PCDHA11: variants seen among roughly 807,000 people sequenced by gnomAD.
PCDHA11 encodes protocadherin alpha 11, also known as protocadherin alpha-11.
A neutral mutation model predicts 70.3 loss-of-function variants in PCDHA11; 61 were observed. The observed-to-expected ratio is 0.87, with a 90% CI of 0.71 to 1.07. PCDHA11 has a LOEUF of 1.07. Among genes scored for constraint, PCDHA11 ranks in the 50% least tolerant of loss-of-function variants. PCDHA11 has a pLI of 0.00. For missense variants in PCDHA11, 1,324 were observed against 1,237.5 expected, an observed-to-expected ratio of 1.07 and a Z score of -1.05; for synonymous variants, 633 against 555.1, an observed-to-expected ratio of 1.14 and a Z score of -1.97.
chr5:140,893,656 T>C (rs950016091), intron 1 of PCDHA11, among the ~76,000 whole-genome samples: 1 of 152,222 alleles, frequency 6.6e-6, no homozygotes. Flanking sequence ...CTGATAGTTT[T>C]AAAAAATTTC....
At chr5:140,993,470 A>T (rs1348899420) in intron 3 of PCDHA11, among the ~76,000 whole-genome samples, 10 of 115,268 alleles carry the variant, frequency 8.7e-5, no homozygotes, top group East Asian at 7.9e-4. Flanking sequence ...TCTCACACAC[A>T]CACACACACA....
At chr5:140,881,361 C>A (rs990387338) in intron 1 of PCDHA11, 6 of 985,126 alleles carry the variant, frequency 6.1e-6, no homozygotes, top group Non-Finnish European at 7.2e-6. Context: ...GCGTGGCTTT[C>A]GTATGAATTG....
chr5:140,870,294 G>A lies in PCDHA11; in HGVS notation c.1191G>A (p.Val397=), dbSNP rs1554164013. 3.1e-6 allele frequency: 5 copies of A among 1,614,192 alleles called. No individual in the cohort carries two copies. The highest frequency in any genetic ancestry group is 3.4e-6 in the Non-Finnish European group (4 of 1,180,032). ...CGCCCCACGTTCCCTTCAAGCTGGTGTCCACCTTCAAGAATTACTACTCGT... is the reference window on the plus strand; with the variant it reads ...CGCCCCACGTTCCCTTCAAGCTGGTATCCACCTTCAAGAATTACTACTCGT... ...SLTPHVPFKL[V]STFKNYYSLV... is the part of the protein sequence containing the mutation. The change falls in exon 1 of 4, where the codon GTG becomes GTA. Residue 397 remains valine, a synonymous_variant. Coordinates refer to ENST00000398640, the MANE Select transcript of PCDHA11 (RefSeq NM_018902.5).
chr5:140,938,977 A>C (rs1205824371), intron 1 of PCDHA11, among the ~76,000 whole-genome samples: 1 of 152,190 alleles, frequency 6.6e-6, no homozygotes, highest in Admixed American at 6.5e-5. Flanking sequence ...CATCAAGGCT[A>C]TCCTGGCTTT....
intron 1 of PCDHA11, among the ~76,000 whole-genome samples, chr5:140,964,435 C>G (rs2095833359): frequency 6.6e-6 from 1 of 152,108 alleles, no homozygotes; most frequent in African/African-American, 2.4e-5. Context: ...AATTACCAAG[C>G]CTCTGCCACT....
chr5:140,978,037 A>G (rs1260035731), intron 1 of PCDHA11, among the ~76,000 whole-genome samples: 12 of 152,322 alleles, frequency 7.9e-5, no homozygotes, highest in African/African-American at 2.4e-4. Flanking sequence ...GATACAAGAC[A>G]GTGATGGTGA....
intron 1 of PCDHA11, among the ~76,000 whole-genome samples, chr5:140,956,852 G>T (rs931766503): frequency 3.3e-5 from 5 of 152,060 alleles, no homozygotes; most frequent in African/African-American, 1.2e-4. Context: ...TGGGTTAAAT[G>T]GTTGAATGAA....
In PCDHA11 at chr5:140,904,903, A is replaced by G. The variant is rs568713418; in HGVS notation, c.2391+33409A>G. On this transcript the variant is annotated intron_variant, in intron 1 of 3. Transcript: ENST00000398640. ...CTTTTTGATGGGATTTGTTTTTCTT[A>G]CTGATTTGTTTGACTTCCTTGTAGG... 9.4e-4 allele frequency among the ~76,000 whole-genome samples: 142 copies of G among 151,862 alleles called. 2 individuals carry two copies. The highest frequency in any genetic ancestry group is 2.9e-3 in the African/African-American group (122 of 41,438).
intron 1 of PCDHA11, chr5:140,883,659 T>A (rs2059734857): frequency 6.2e-7 from 1 of 1,612,766 alleles, no homozygotes. Flanking sequence ...ACGGTGTTCG[T>A]GAAGGAAAAC....
intron 1 of PCDHA11, among the ~76,000 whole-genome samples, chr5:140,933,949 G>A (rs184768008): frequency 6.6e-6 from 1 of 151,792 alleles, no homozygotes; most frequent in African/African-American, 2.4e-5. Flanking sequence ...CACATCTGCA[G>A]GATCTGTAGT....
intron 1 of PCDHA11, among the ~76,000 whole-genome samples, chr5:140,938,996 A>C (rs1212565184): frequency 2.6e-5 from 4 of 152,206 alleles, no homozygotes; most frequent in Non-Finnish European, 4.4e-5. Context: ...TTATATAGTA[A>C]GTTAAGAAGT....
intron 1 of PCDHA11, among the ~76,000 whole-genome samples, chr5:140,922,508 C>A (rs2080871857): frequency 6.6e-6 from 1 of 152,090 alleles, no homozygotes; most frequent in African/African-American, 2.4e-5. Flanking sequence ...GCAGATGCAC[C>A]ATTATTTCAA....
chr5:141,009,702 C>T lies in PCDHA11; in HGVS notation c.2615C>T (p.Pro872Leu). 1 of 1,614,056 alleles carries T rather than the reference C, an allele frequency of 6.2e-7. No individual in the cohort carries two copies. The highest frequency in any genetic ancestry group is 8.5e-7 in the Non-Finnish European group (1 of 1,180,028). The change falls in exon 4 of 4, where the codon CCA becomes CTA. Residue 872 changes from proline to leucine, a missense_variant. Transcript: ENST00000398640. ...AACAGCTGGACCTTTAAATACGGAC[C>T]AGGCAACCCCAAACAATCCGGTCCC... is the stretch of plus-strand genomic sequence containing the variant. The part of the protein sequence containing the change: ...NSNSWTFKYG[P>L]GNPKQSGPGE...
chr5:140,926,756 G>T, intron 1 of PCDHA11: 1 of 1,289,704 alleles, frequency 7.8e-7, no homozygotes, highest in South Asian at 2.2e-5. Context: ...GGCGGTCGCT[G>T]AGTATCCAGC....
In PCDHA11 at chr5:141,011,894, T is replaced by G. The variant is rs1303053966; in HGVS notation, c.*1957T>G. 6.5e-6 allele frequency: 1 copy of G among 153,306 alleles called. No homozygotes were observed. The highest frequency in any genetic ancestry group is 1.5e-5 in the Non-Finnish European group (1 of 68,044). The allele number at this position is 153,306 out of a possible 1,614,324, so 9.5% of individuals were successfully genotyped here. ...AATTTAGAAGTTTGATTAATTATAT[T>G]ATCTATTTAGGCATTAATATAAAAG... On this transcript the variant is annotated 3_prime_UTR_variant, in exon 4 of 4. Transcript: ENST00000398640.
At chr5:140,882,267 C>A in intron 1 of PCDHA11, 1 of 1,610,288 alleles carries the variant, frequency 6.2e-7, no homozygotes, top group Non-Finnish European at 8.5e-7. Context: ...TTGGAGTGTA[C>A]CATGCTGTCT....
At chr5:140,906,017 C>G (rs1172988114) in intron 1 of PCDHA11, among the ~76,000 whole-genome samples, 2 of 152,188 alleles carry the variant, frequency 1.3e-5, no homozygotes, top group African/African-American at 2.4e-5. Flanking sequence ...AGTCTAATCT[C>G]TCCACGTTCT....
intron 1 of PCDHA11, among the ~76,000 whole-genome samples, chr5:140,886,252 C>G (rs1368508838): frequency 6.6e-6 from 1 of 151,858 alleles, no homozygotes; most frequent in Non-Finnish European, 1.5e-5. Flanking sequence ...ATAAAAGTAT[C>G]TCTATTTATA....
At chr5:140,966,350 A>C in intron 1 of PCDHA11, 1 of 397,418 alleles carries the variant, frequency 2.5e-6, no homozygotes, top group Non-Finnish European at 4.4e-6. Flanking sequence ...GGTGAAGGAG[A>C]TGGGGCTGGA....
Sources: allele counts gnomAD v4.1 joint callset (sites outside exome capture counted in the v4.1 genomes callset), GRCh38; gene constraint gnomAD v4.1.1; transcripts MANE v1.5; gene names NCBI Gene and HGNC (gene_info 2026-07-23, HGNC 2026-07-21).